The following ATP6V0E2 variants were observed in gnomAD, a reference collection of about 807,000 sequenced individuals.
ATP6V0E2 encodes V-type proton ATPase subunit e 2.
A neutral mutation model predicts 11.5 loss-of-function variants in ATP6V0E2; 4 were observed. The observed-to-expected ratio is 0.35, with a 90% CI of 0.17 to 0.80. The LOEUF (loss-of-function observed/expected upper bound fraction) is 0.80. ATP6V0E2 is among the 30% of genes least tolerant of loss of function. ATP6V0E2 has a pLI of 0.53. For missense variants in ATP6V0E2, 93 were observed against 113.5 expected, an observed-to-expected ratio of 0.82 and a Z score of 0.82; for synonymous variants, 52 against 51.0, an observed-to-expected ratio of 1.02 and a Z score of -0.09.
chr7:149,879,137 C>T (rs1024540260), intron 3 of ATP6V0E2, 198 bp from the exon 4 acceptor site: 7 of 1,399,306 alleles, frequency 5.0e-6, no homozygotes, highest in Admixed American at 6.1e-5. Flanking sequence ...GAACCATGCT[C>T]CCAGCACCCC....
intron 2 of ATP6V0E2, among the ~76,000 whole-genome samples, 159 bp downstream of exon 2, chr7:149,875,804 A>G (rs1375170411): frequency 6.6e-6 from 1 of 152,204 alleles, no homozygotes; most frequent in Non-Finnish European, 1.5e-5. Context: ...GGAATGGGAA[A>G]GAGAGCAGTG....
chr7:149,879,607 C>T lies in ATP6V0E2; in HGVS notation c.*292C>T, dbSNP rs572880401. 2 of 1,475,346 alleles carry T rather than the reference C, an allele frequency of 1.4e-6. No homozygotes were observed. Among genetic ancestry groups the T allele is most frequent in the Admixed American group, 4.7e-5 (2 of 42,674 alleles). 91.4% of individuals were successfully genotyped at this position (1,475,346 alleles called of 1,614,324 possible). On this transcript the variant is annotated 3_prime_UTR_variant, in exon 4 of 4. Coordinates refer to ENST00000425642, the MANE Select transcript of ATP6V0E2 (RefSeq NM_145230.4). ...TGCCCTCTTTCCCAAGGAGATGCTG[C>T]TGGGGAGCTGGTATGGGTGGGGTCT...
Position 149,880,465 on chromosome 7 carries a change from C to T in ATP6V0E2, c.*1150C>T, listed in dbSNP as rs931079462. On this transcript the variant is annotated 3_prime_UTR_variant, in exon 4 of 4. Transcript: ENST00000425642. ...ATGGACTGCTGATGTGGCCTGCCATCCTGTTCAGCGGGCATTGTCTTTGGA... is the reference window on the plus strand; with the variant it reads ...ATGGACTGCTGATGTGGCCTGCCATTCTGTTCAGCGGGCATTGTCTTTGGA... The T allele has an allele frequency of 7.9e-5, 12 of 152,390 alleles. No homozygotes were observed. Among genetic ancestry groups the T allele is most frequent in the African/African-American group, 2.7e-4 (11 of 41,470 alleles). 9.4% of individuals were successfully genotyped at this position (152,390 alleles called of 1,614,324 possible).
At position 149,880,483 on chromosome 7, in the gene ATP6V0E2, T is replaced by C. The variant is rs1474919434; in HGVS notation, c.*1168T>C. On this transcript the variant is annotated 3_prime_UTR_variant, in exon 4 of 4. Coordinates refer to ENST00000425642, the MANE Select transcript of ATP6V0E2 (RefSeq NM_145230.4). Reference sequence around the variant, plus strand: ...CTGCCATCCTGTTCAGCGGGCATTGTCTTTGGAGCAGCAGGAGAATAGGAT... The same window carrying C: ...CTGCCATCCTGTTCAGCGGGCATTGCCTTTGGAGCAGCAGGAGAATAGGAT... 6.6e-6 allele frequency: 1 copy of C among 152,434 alleles called. No individual in the cohort carries two copies. The highest frequency in any genetic ancestry group is 1.5e-5 in the Non-Finnish European group (1 of 68,192). The allele number at this position is 152,434 out of a possible 1,614,324, so 9.4% of individuals were successfully genotyped here. A position where few individuals can be genotyped will look rare whatever the true frequency, so the allele number is the denominator to read the frequency against.
chr7:149,878,551 C>T, intron 2 of ATP6V0E2, 127 bp from the exon 3 acceptor site: 3 of 726,380 alleles, frequency 4.1e-6, no homozygotes, highest in Non-Finnish European at 6.5e-6. Context: ...GGCCCTTCTT[C>T]ACCCTGGGAA....
At position 149,875,668 on chromosome 7, in the gene ATP6V0E2, C is replaced by T. The variant is rs778026623; in HGVS notation, c.152+23C>T. ...CTTGTAAGTACTACTCTCCCCAGCT[C>T]AAAGTCAGCCAGTTCCTTTGTCCTC... On this transcript the variant is annotated intron_variant, in intron 2 of 3. Coordinates refer to ENST00000425642, the MANE Select transcript of ATP6V0E2 (RefSeq NM_145230.4). The T allele has an allele frequency of 3.1e-6, 5 of 1,609,768 alleles. No individual in the cohort carries two copies. The East Asian group carries it at 8.9e-5, about 29-fold the overall frequency.
At chr7:149,878,509 CATGTGCCTGCCGGA>C (rs1254211451) in intron 2 of ATP6V0E2, among the ~76,000 whole-genome samples, 155 bp from the exon 3 acceptor site, 1 of 152,168 alleles carries the variant, frequency 6.6e-6, no homozygotes, top group African/African-American at 2.4e-5. Context: ...ATACCAACCC[CATGTGCCTGCCGGA>C]GTGTGGATGG....
chr7:149,874,978 T>C (rs1803048436), intron 1 of ATP6V0E2: 1 of 153,806 alleles, frequency 6.5e-6, no homozygotes, highest in Non-Finnish European at 1.4e-5. Context: ...GGGTTTGGGA[T>C]CCCACAGCTT....
At position 149,874,142 on chromosome 7, in the gene ATP6V0E2, G is replaced by T; in HGVS notation, c.77G>T (p.Trp26Leu). The T allele has an allele frequency of 6.5e-7, 1 of 1,549,716 alleles. No individual in the cohort carries two copies. Among genetic ancestry groups the T allele is most frequent in the Non-Finnish European group, 8.7e-7 (1 of 1,146,492 alleles). ...GGCCTCGTCGGCATCGCCGGGCCCTGGTTCGTGCCGAAGGGACCCAACCGC... is the reference window on the plus strand; with the variant it reads ...GGCCTCGTCGGCATCGCCGGGCCCTTGTTCGTGCCGAAGGGACCCAACCGC... ...FWGLVGIAGP[W>L]FVPKGPNRGV... is the part of the protein sequence containing the mutation. Residue 26 changes from tryptophan (W) to leucine (L), a missense_variant, in exon 1 of 4, where the codon TGG becomes TTG. Trp to Leu is a moderately conservative substitution (Grantham distance 61, BLOSUM62 -2). Coordinates refer to ENST00000425642, the MANE Select transcript of ATP6V0E2 (RefSeq NM_145230.4).
At position 149,879,658 on chromosome 7, in the gene ATP6V0E2, C is replaced by G. The variant is rs1218835596; in HGVS notation, c.*343C>G. On this transcript the variant is annotated 3_prime_UTR_variant, in exon 4 of 4. Coordinates refer to ENST00000425642, the MANE Select transcript of ATP6V0E2 (RefSeq NM_145230.4). ...TTCCCTTTACAGACGGGGCAGATGC[C>G]AGGACTCAGCCCATCCTGAGGAGGA... 6.9e-7 allele frequency: 1 copy of G among 1,452,358 alleles called. No individual in the cohort carries two copies. The highest frequency in any genetic ancestry group is 9.1e-7 in the Non-Finnish European group (1 of 1,099,446). 90.0% of individuals were successfully genotyped at this position (1,452,358 alleles called of 1,614,324 possible). A position where few individuals can be genotyped will look rare whatever the true frequency, so the allele number is the denominator to read the frequency against.
rs371739649 is a variant in ATP6V0E2 at position 149,878,804 on chromosome 7, G to A, written c.*19+14G>A. On this transcript the variant is annotated intron_variant, in intron 3 of 3. Transcript: ENST00000425642. Reference sequence around the variant, plus strand: ...CCCCCGACCCAGGTACTGTGTGGGCGAGGGGTGTGGGTGGGGAAGAGGGGA... The same window carrying A: ...CCCCCGACCCAGGTACTGTGTGGGCAAGGGGTGTGGGTGGGGAAGAGGGGA... 58 of 1,609,870 alleles carry A rather than the reference G, an allele frequency of 3.6e-5. No homozygotes were observed. Among genetic ancestry groups the A allele is most frequent in the Middle Eastern group, 1.6e-4 (1 of 6,064 alleles).
rs1803400091 is a variant in ATP6V0E2 at position 149,880,363 on chromosome 7, A to G, written c.*1048A>G. 6.6e-6 allele frequency: 1 copy of G among 152,534 alleles called. No homozygotes were observed. The highest frequency in any genetic ancestry group is 6.5e-5 in the Admixed American group (1 of 15,292). 9.4% of individuals were successfully genotyped at this position (152,534 alleles called of 1,614,324 possible). A position where few individuals can be genotyped will look rare whatever the true frequency, so the allele number is the denominator to read the frequency against. On this transcript the variant is annotated 3_prime_UTR_variant, in exon 4 of 4. Coordinates refer to ENST00000425642, the MANE Select transcript of ATP6V0E2 (RefSeq NM_145230.4). ...TCCCAGTGTGGTTAGCACAGAGCTC[A>G]CCCACCTTGCCTGGCTCCCAGCTGG...
chr7:149,873,813 G>A, upstream of ATP6V0E2: 1 of 1,415,730 alleles, frequency 7.1e-7, no homozygotes, highest in Non-Finnish European at 9.2e-7. Flanking sequence ...GGGCGGCCGC[G>A]CCCCTATTCC....
Sources: gnomAD v4.1 joint callset for allele counts (sites outside exome capture counted in the v4.1 genomes callset) on GRCh38, gnomAD v4.1.1 for gene constraint, MANE v1.5 for transcripts, NCBI Gene and HGNC (gene_info 2026-07-23, HGNC 2026-07-21) for gene names.